Variants in FGFR1 observed in about 807,000 individuals in gnomAD.
FGFR1 encodes the protein fibroblast growth factor receptor 1, also known as FGFR1/PLAG1 fusion.
In FGFR1, 18 loss-of-function variants were observed where a neutral mutation model predicts 93.7. The observed-to-expected ratio is 0.19, with a 90% CI of 0.13 to 0.28. FGFR1 has a LOEUF of 0.28. Ranked by LOEUF, FGFR1 falls within the 10% of genes least tolerant of loss-of-function variation. FGFR1 has a pLI of 1.00. For missense variants in FGFR1, 731 were observed against 1,080.4 expected, an observed-to-expected ratio of 0.68 and a Z score of 4.53; for synonymous variants, 448 against 429.3, an observed-to-expected ratio of 1.04 and a Z score of -0.54.
intron 2 of FGFR1, among the ~76,000 whole-genome samples, chr8:38,456,193 C>T (rs964024195): frequency 3.9e-5 from 6 of 152,212 alleles, no homozygotes; most frequent in Non-Finnish European, 7.3e-5. Context: ...CAACCTTTCA[C>T]CCACTGTGTG....
intron 2 of FGFR1, among the ~76,000 whole-genome samples, chr8:38,448,549 A>G (rs549748057): frequency 6.6e-6 from 1 of 152,354 alleles, no homozygotes; most frequent in South Asian, 2.1e-4. Flanking sequence ...TTTTTAAAAG[A>G]GTGATAAAGA....
At chr8:38,449,978 AC>A (rs1393244496) in intron 2 of FGFR1, among the ~76,000 whole-genome samples, 1 of 152,232 alleles carries the variant, frequency 6.6e-6, no homozygotes, top group Non-Finnish European at 1.5e-5. Flanking sequence ...CAGGCCCACT[AC>A]CGGGGAGGAG....
In FGFR1 at chr8:38,414,699, G is replaced by A. The variant is rs983971417; in HGVS notation, c.1978-70C>T. 8 of 1,612,918 alleles carry A rather than the reference G, an allele frequency of 5.0e-6. No individual in the cohort carries two copies. In the African/African-American group the frequency reaches 6.7e-5, roughly 13 times the overall value. Reference sequence around the variant, plus strand: ...ATGAGGGCACAGGTGGGAAGGGACTGGGGGGTGGGTTCTCAGCCCACCCCA... The same window carrying A: ...ATGAGGGCACAGGTGGGAAGGGACTAGGGGGTGGGTTCTCAGCCCACCCCA... On this transcript the variant is annotated intron_variant, in intron 14 of 17. Transcript: ENST00000447712.
rs541376231 is a variant in FGFR1, at chr8:38,437,333, T to C, written c.92-7385A>G. On this transcript the variant is annotated intron_variant, in intron 2 of 17. Transcript: ENST00000447712. ...GCCCTTGTCACTGTGCAAGGAGAAA[T>C]GGGTGAAACAAAGGCCCAGAAGGCA... Among the ~76,000 whole-genome samples, 5 of 152,146 alleles carry C rather than the reference T, an allele frequency of 3.3e-5. No homozygotes were observed. The South Asian group carries it at 1.0e-3, about 32-fold the overall frequency.
rs1816422088 is a variant in FGFR1, at chr8:38,416,017, C to T, written c.1707G>A (p.Leu569=). 1.2e-6 allele frequency: 2 copies of T among 1,613,758 alleles called. No homozygotes were observed. Among genetic ancestry groups the T allele is most frequent in the East Asian group, 4.5e-5 (2 of 44,874 alleles). Residue 569 remains leucine (L), a synonymous_variant, in exon 13 of 18, where the codon CTG becomes CTA. Coordinates refer to ENST00000447712, the MANE Select transcript of FGFR1 (RefSeq NM_023110.3). ...VIVEYASKGN[L]REYLQARRPP... The stretch of plus-strand genomic sequence containing the variant: ...GCCTCCGGGCCTGCAGGTACTCCCG[C>T]AGGTTGCCCTTGGAGGCATACTCCA...
intron 1 of FGFR1, 164 bp downstream of exon 1, chr8:38,467,817 G>A (rs1389906063): frequency 8.6e-6 from 2 of 232,616 alleles, no homozygotes; most frequent in East Asian, 6.0e-5. Context: ...GGCGCGGATC[G>A]CCCGGGAGGG....
intron 2 of FGFR1, among the ~76,000 whole-genome samples, chr8:38,452,790 C>T (rs185462543): frequency 3.7e-4 from 57 of 152,230 alleles, no homozygotes; most frequent in Middle Eastern, 3.4e-3. Context: ...TCCTGGCCAA[C>T]ATGGTGAAAC....
rs1835945072 is a variant in FGFR1, at chr8:38,468,173, C to T, written c.-281G>A. 1 of 228,364 alleles carries T rather than the reference C, an allele frequency of 4.4e-6. No homozygotes were observed. Among genetic ancestry groups the T allele is most frequent in the Admixed American group, 5.7e-5 (1 of 17,586 alleles). The allele number at this position is 228,364 out of a possible 1,614,324, so 14.1% of individuals were successfully genotyped here. On this transcript the variant is annotated 5_prime_UTR_variant, in exon 1 of 18. Coordinates refer to ENST00000447712, the MANE Select transcript of FGFR1 (RefSeq NM_023110.3). ...TCGGCGCCTCCAGCCCGGGCGGGAA[C>T]AATGGAGCCGGAGCTGGTGCCCCGG...
intron 1 of FGFR1, among the ~76,000 whole-genome samples, chr8:38,460,314 C>T (rs1834081861): frequency 6.6e-6 from 1 of 152,174 alleles, no homozygotes; most frequent in Non-Finnish European, 1.5e-5. Flanking sequence ...AACCCATATT[C>T]CACAACTTAC....
At chr8:38,443,109 G>A (rs1210171312) in intron 2 of FGFR1, among the ~76,000 whole-genome samples, 2 of 152,206 alleles carry the variant, frequency 1.3e-5, no homozygotes, top group Non-Finnish European at 2.9e-5. Flanking sequence ...GGAGAAGGGG[G>A]AGTTAGCGTT....
chr8:38,414,820 G>A lies in FGFR1; in HGVS notation c.1936C>T (p.Arg646Trp), dbSNP rs753193082. ...VMKIADFGLA[R>W]DIHHIDYYKK... ...TAGTAGTCGATGTGGTGAATGTCCC[G>A]TGCGAGGCCAAAGTCTGCTATCTTC... is the stretch of plus-strand genomic sequence containing the variant. Residue 646 changes from arginine to tryptophan, a missense_variant, in exon 14 of 18, where the codon CGG (arginine) becomes TGG (tryptophan). This residue lies in a region of FGFR1 where 44 missense variants were observed against 99.9 expected (regional missense o/e 0.44). Coordinates refer to ENST00000447712, the MANE Select transcript of FGFR1 (RefSeq NM_023110.3). 6.2e-7 allele frequency: 1 copy of A among 1,613,992 alleles called. No homozygotes were observed. Among genetic ancestry groups the A allele is most frequent in the Non-Finnish European group, 8.5e-7 (1 of 1,180,018 alleles).
chr8:38,448,907 A>G (rs1830226437), intron 2 of FGFR1, among the ~76,000 whole-genome samples: 1 of 152,196 alleles, frequency 6.6e-6, no homozygotes, highest in Non-Finnish European at 1.5e-5. Context: ...GTGAGCCGAG[A>G]TCGCGCCACT....
chr8:38,468,326 C>G lies in FGFR1; in HGVS notation c.-434G>C, dbSNP rs941457992. 1 of 227,870 alleles carries G rather than the reference C, an allele frequency of 4.4e-6. No individual in the cohort carries two copies. Among genetic ancestry groups the G allele is most frequent in the African/African-American group, 2.2e-5 (1 of 44,958 alleles). The allele number at this position is 227,870 out of a possible 1,614,324, so 14.1% of individuals were successfully genotyped here. A position where few individuals can be genotyped will look rare whatever the true frequency, so the allele number is the denominator to read the frequency against. ...CGGGCTCCATCGCCCTGCGGAGGCC[C>G]CGGCGCCGCGGCGTGCCCGACTGCA... On this transcript the variant is annotated 5_prime_UTR_variant, in exon 1 of 18. Transcript: ENST00000447712.
At chr8:38,417,113 C>G (rs1301588877) in intron 12 of FGFR1, among the ~76,000 whole-genome samples, 193 bp downstream of exon 12, 1 of 152,236 alleles carries the variant, frequency 6.6e-6, no homozygotes, top group Non-Finnish European at 1.5e-5. Context: ...GTGTGTGAAT[C>G]TAGGTATCTG....
At chr8:38,450,227 G>C (rs747381935) in intron 2 of FGFR1, among the ~76,000 whole-genome samples, 21 of 152,320 alleles carry the variant, frequency 1.4e-4, no homozygotes, top group Non-Finnish European at 2.4e-4. Flanking sequence ...GCAAGTTGGT[G>C]AAAGAGCCAG....
chr8:38,426,321 T>A lies in FGFR1; in HGVS notation c.622-76A>T. ...GCCCCATGACAATGTCGGCACCCCG[T>A]GGCACCTGCCCTCCATATCAGAGCC... is the stretch of plus-strand genomic sequence containing the variant. On this transcript the variant is annotated intron_variant, in intron 5 of 17. Transcript: ENST00000447712. This position sits in a 1 kb window ranked among gnomAD's most constrained non-coding sequence, Gnocchi z 4.1. The A allele has an allele frequency of 6.3e-7, 1 of 1,598,854 alleles. No homozygotes were observed. Among genetic ancestry groups the A allele is most frequent in the Non-Finnish European group, 8.5e-7 (1 of 1,173,434 alleles).
intron 1 of FGFR1, among the ~76,000 whole-genome samples, chr8:38,463,723 A>C (rs1373419023): frequency 6.6e-6 from 1 of 152,198 alleles, no homozygotes; most frequent in Non-Finnish European, 1.5e-5. Flanking sequence ...AACCAGCCAA[A>C]CTCTAGTCCA....
intron 12 of FGFR1, among the ~76,000 whole-genome samples, chr8:38,416,734 C>T (rs1453432448): frequency 2.6e-5 from 4 of 152,004 alleles, no homozygotes; most frequent in Admixed American, 2.0e-4. Context: ...GGATTACAGG[C>T]GTGAGCCACT....
chr8:38,437,967 C>T (rs994532867), intron 2 of FGFR1, among the ~76,000 whole-genome samples: 1 of 152,248 alleles, frequency 6.6e-6, no homozygotes, highest in Non-Finnish European at 1.5e-5. Context: ...TTGCATAGCA[C>T]TTTGTAATTT....
Sources: allele counts gnomAD v4.1 joint callset (sites outside exome capture counted in the v4.1 genomes callset), GRCh38; gene constraint gnomAD v4.1.1; regional missense constraint gnomAD v4.1.1; non-coding constraint Gnocchi (gnomAD v3.1); transcripts MANE v1.5; gene names NCBI Gene and HGNC (gene_info 2026-07-23, HGNC 2026-07-21).